The following WDR72 variants were observed in gnomAD, a reference collection of about 807,000 sequenced individuals.
WDR72 encodes WD repeat domain 72.
Under a neutral mutation model 124.2 loss-of-function variants are expected in WDR72, and 120 were observed. The ratio of observed to expected loss-of-function variants is 0.97; its 90% CI spans 0.83 to 1.12. The LOEUF (loss-of-function observed/expected upper bound fraction) is 1.12, where lower values mean the gene tolerates loss of function less well. Ranked by LOEUF, WDR72 falls within the 50% of genes most tolerant of loss-of-function variation. WDR72 has a pLI of 0.00. For missense variants in WDR72, 1,387 were observed against 1,278.8 expected, an observed-to-expected ratio of 1.08 and a Z score of -1.29; for synonymous variants, 452 against 441.7, an observed-to-expected ratio of 1.02 and a Z score of -0.29.
chr15:53,599,900 T>C (rs2012965317), intron 17 of WDR72, among the ~76,000 whole-genome samples: 1 of 152,144 alleles, frequency 6.6e-6, no homozygotes, highest in Admixed American at 6.6e-5. Context: ...AAATGCATAT[T>C]ATAAGAATAA....
chr15:53,715,044 G>C lies in WDR72; in HGVS notation c.514+149C>G, dbSNP rs549383231. 3 of 859,552 alleles carry C rather than the reference G, an allele frequency of 3.5e-6. No individual in the cohort carries two copies. In the South Asian group the frequency reaches 5.5e-5, roughly 16 times the overall value. 53.2% of individuals were successfully genotyped at this position (859,552 alleles called of 1,614,324 possible). ...GGCATGGGTGTTCTTAGTTTTTCTT[G>C]ATCAGGTGTATTACAGACATATCCT... On this transcript the variant is annotated intron_variant, in intron 5 of 19. Transcript: ENST00000360509.
chr15:53,592,808 A>T (rs2012572913), intron 18 of WDR72, among the ~76,000 whole-genome samples: 1 of 152,160 alleles, frequency 6.6e-6, no homozygotes, highest in South Asian at 2.1e-4. Flanking sequence ...TTTCAAATGC[A>T]ATTTAATAAT....
chr15:53,759,526 G>T (rs984611847), intron 1 of WDR72, 107 bp downstream of exon 1: 2 of 152,366 alleles, frequency 1.3e-5, no homozygotes, highest in African/African-American at 2.4e-5. Context: ...CTCCTGCGCC[G>T]TGCTCTGAAG....
At chr15:53,714,179 TTCTGTGTG>T (rs1421672911) in intron 6 of WDR72, among the ~76,000 whole-genome samples, 9 of 33,768 alleles carry the variant, frequency 2.7e-4, no homozygotes, top group Non-Finnish European at 5.7e-4. Flanking sequence ...AATGTAATCT[TTCTGTGTG>T]TGTGTGTGTG....
At chr15:53,631,335 A>C (rs2014420256) in intron 14 of WDR72, among the ~76,000 whole-genome samples, 1 of 152,234 alleles carries the variant, frequency 6.6e-6, no homozygotes, top group Non-Finnish European at 1.5e-5. Flanking sequence ...ATTCAGAAGC[A>C]GAAGCCACTA....
intron 6 of WDR72, among the ~76,000 whole-genome samples, chr15:53,714,157 T>C (rs992904413): frequency 6.8e-6 from 1 of 146,730 alleles, no homozygotes; most frequent in Non-Finnish European, 1.5e-5. Context: ...TTCTATTTTT[T>C]AAAAGATTAA....
At chr15:53,530,160 C>T (rs1052392214) in intron 18 of WDR72, among the ~76,000 whole-genome samples, 3 of 151,240 alleles carry the variant, frequency 2.0e-5, no homozygotes, top group Non-Finnish European at 3.0e-5. Context: ...TAAATCTCTT[C>T]TTTACCAAAT....
intron 18 of WDR72, among the ~76,000 whole-genome samples, chr15:53,523,560 C>T (rs978301621): frequency 6.6e-6 from 1 of 152,004 alleles, no homozygotes; most frequent in African/African-American, 2.4e-5. Context: ...TTCACGGCAT[C>T]AGCTTAAAAG....
chr15:53,648,713 A>T (rs575079265), intron 14 of WDR72, among the ~76,000 whole-genome samples: 17 of 152,198 alleles, frequency 1.1e-4, no homozygotes, highest in Non-Finnish European at 2.1e-4. Context: ...AATTCAACAC[A>T]TACTTATTAA....
chr15:53,650,166 C>T (rs1165025407), intron 14 of WDR72, among the ~76,000 whole-genome samples: 1 of 152,116 alleles, frequency 6.6e-6, no homozygotes, highest in African/African-American at 2.4e-5. Context: ...CAGACATATG[C>T]TAAGTGAAAT....
chr15:53,601,191 TG>T (rs1307823235), intron 17 of WDR72, among the ~76,000 whole-genome samples: 1 of 152,090 alleles, frequency 6.6e-6, no homozygotes, highest in Non-Finnish European at 1.5e-5. Flanking sequence ...CAGAAGAGAT[TG>T]GGGGACAATA....
intron 1 of WDR72, among the ~76,000 whole-genome samples, chr15:53,758,654 G>T (rs2018976801): frequency 6.6e-6 from 1 of 151,798 alleles, no homozygotes; most frequent in East Asian, 2.0e-4. Context: ...GAAAGGAATG[G>T]TGTTTTGGCA....
intron 18 of WDR72, among the ~76,000 whole-genome samples, chr15:53,580,376 T>G (rs2011852414): frequency 6.6e-6 from 1 of 152,128 alleles, no homozygotes. Flanking sequence ...CCTCTGTTTT[T>G]ACAAAAAGTT....
At chr15:53,703,562 T>C (rs2017249931) in intron 11 of WDR72, among the ~76,000 whole-genome samples, 1 of 151,924 alleles carries the variant, frequency 6.6e-6, no homozygotes, top group African/African-American at 2.4e-5. Context: ...GACTGTTGTG[T>C]GGAATAAATA....
In WDR72 at chr15:53,517,338, A is replaced by C. The variant is rs573198171; in HGVS notation, c.*361T>G. 1 of 277,924 alleles carries C rather than the reference A, an allele frequency of 3.6e-6. No individual in the cohort carries two copies. The highest frequency in any genetic ancestry group is 4.1e-5 in the South Asian group (1 of 24,390). The allele number at this position is 277,924 out of a possible 1,614,324, so 17.2% of individuals were successfully genotyped here. On this transcript the variant is annotated 3_prime_UTR_variant, in exon 20 of 20. Transcript: ENST00000360509. ...TACTACATTGGTTTTAACATTGTTT[A>C]TTATATAATTCAGGGACTAAAAGGA...
intron 18 of WDR72, among the ~76,000 whole-genome samples, chr15:53,590,793 T>A (rs2012455798): frequency 6.6e-6 from 1 of 152,074 alleles, no homozygotes; most frequent in South Asian, 2.1e-4. Flanking sequence ...CCTATAGCAT[T>A]GCTGTGTGGA....
intron 9 of WDR72, among the ~76,000 whole-genome samples, chr15:53,710,190 C>T (rs2017492616): frequency 6.6e-6 from 1 of 152,138 alleles, no homozygotes; most frequent in Non-Finnish European, 1.5e-5. Flanking sequence ...CTAAATACAT[C>T]TGAAAATGAT....
chr15:53,732,863 A>G, intron 2 of WDR72, 134 bp downstream of exon 2: 1 of 1,086,536 alleles, frequency 9.2e-7, no homozygotes, highest in East Asian at 2.6e-5. Flanking sequence ...ATTCAGAAGT[A>G]AAATCAATTT....
chr15:53,685,989 A>C (rs1347914177), intron 13 of WDR72, among the ~76,000 whole-genome samples: 2 of 148,256 alleles, frequency 1.3e-5, no homozygotes, highest in South Asian at 2.2e-4. Flanking sequence ...GAAATAAAAT[A>C]CTTTACAGAC....
Sources: gnomAD v4.1 joint callset for allele counts (sites outside exome capture counted in the v4.1 genomes callset) on GRCh38, gnomAD v4.1.1 for gene constraint, MANE v1.5 for transcripts, NCBI Gene and HGNC (gene_info 2026-07-23, HGNC 2026-07-21) for gene names.